TET3: variants seen among roughly 807,000 people sequenced by gnomAD.
The protein encoded by TET3 is tet methylcytosine dioxygenase 3.
In TET3, 19 loss-of-function variants were observed where a neutral mutation model predicts 141.4. The ratio of observed to expected loss-of-function variants is 0.13; its 90% CI spans 0.09 to 0.20. The LOEUF (loss-of-function observed/expected upper bound fraction) is 0.20. TET3 is among the 10% of genes least tolerant of loss of function. The pLI is 1.00. For missense variants in TET3, 1,874 were observed against 2,356.9 expected, an observed-to-expected ratio of 0.80 and a Z score of 4.24; for synonymous variants, 1,043 against 980.9, an observed-to-expected ratio of 1.06 and a Z score of -1.18.
At chr2:74,063,611 T>C (rs368056203) in intron 4 of TET3, among the ~76,000 whole-genome samples, 9 of 152,132 alleles carry the variant, frequency 5.9e-5, no homozygotes, top group African/African-American at 1.4e-4. Context: ...AATAGACTTA[T>C]AGAAGTAGCA....
Position 74,080,485 on chromosome 2 carries a change from T to G in TET3, c.2586-13T>G. On this transcript the variant is annotated splice_polypyrimidine_tract_variant and intron_variant, in intron 5 of 11. Transcript: ENST00000409262. The stretch of plus-strand genomic sequence containing the variant: ...TCTGCTGTGCTAATGGTGGCTTCTG[T>G]CTCCCTCTTCAGGTATGGAGAGAAG... 6.2e-7 allele frequency: 1 copy of G among 1,608,764 alleles called. No homozygotes were observed. The highest frequency in any genetic ancestry group is 8.5e-7 in the Non-Finnish European group (1 of 1,176,888).
chr2:74,076,176 CT>C (rs1444223027), intron 5 of TET3, among the ~76,000 whole-genome samples: 2 of 151,778 alleles, frequency 1.3e-5, no homozygotes, highest in Middle Eastern at 3.4e-3. Flanking sequence ...TTTTTACCCC[CT>C]GATTCTTTAA....
At chr2:74,021,082 C>A (rs1431667487) in intron 3 of TET3, among the ~76,000 whole-genome samples, 1 of 152,238 alleles carries the variant, frequency 6.6e-6, no homozygotes, top group African/African-American at 2.4e-5. Flanking sequence ...GGGAAAAGAT[C>A]TGGAAGTATT....
intron 2 of TET3, among the ~76,000 whole-genome samples, chr2:73,988,161 C>T (rs534801040): frequency 6.6e-6 from 1 of 152,142 alleles, no homozygotes; most frequent in Non-Finnish European, 1.5e-5. Flanking sequence ...TAGTTATCGT[C>T]CTGCTGGCCC....
At chr2:74,124,294 C>A in the TET3 span, among the ~76,000 whole-genome samples, 13 of 151,186 alleles carry the variant, frequency 8.6e-5, no homozygotes, top group Admixed American at 2.6e-4. Context: ...GCCAGCCACC[C>A]CGTCTGGGAG....
intron 3 of TET3, among the ~76,000 whole-genome samples, chr2:74,028,582 G>A (rs1367070416): frequency 1.3e-5 from 2 of 152,120 alleles, no homozygotes; most frequent in Non-Finnish European, 2.9e-5. Flanking sequence ...AATTATCTTA[G>A]TGTCTTCTCA....
At chr2:74,099,782 A>T (rs1409328409) in intron 11 of TET3, among the ~76,000 whole-genome samples, 170 bp downstream of exon 11, 1 of 152,132 alleles carries the variant, frequency 6.6e-6, no homozygotes, top group Non-Finnish European at 1.5e-5. Flanking sequence ...GGCCGTGGGG[A>T]TGCAAGTACA....
intron 6 of TET3, among the ~76,000 whole-genome samples, chr2:74,083,781 T>C (rs1188598593): frequency 6.6e-6 from 1 of 152,168 alleles, no homozygotes; most frequent in African/African-American, 2.4e-5. Flanking sequence ...GTGTTTGCCA[T>C]TTGGGAAACC....
In TET3 at chr2:74,089,927, C is replaced by T; in HGVS notation, c.2919C>T (p.Pro973=). Reference sequence around the variant, plus strand: ...CCTGCGCTTGCCAAGGCAAAGACCCCAACACCTGTGGTGCCTCCTTCTCCT... The same window carrying T: ...CCTGCGCTTGCCAAGGCAAAGACCCTAACACCTGTGGTGCCTCCTTCTCCT... ...DRTCACQGKD[P]NTCGASFSFG... Residue 973 remains proline, a synonymous_variant, in exon 8 of 12, where the codon CCC becomes CCT. Transcript: ENST00000409262. 6.2e-7 allele frequency: 1 copy of T among 1,614,072 alleles called. No individual in the cohort carries two copies. Among genetic ancestry groups the T allele is most frequent in the African/African-American group, 1.3e-5 (1 of 75,064 alleles).
At chr2:74,086,702 G>A (rs527245221) in intron 6 of TET3, among the ~76,000 whole-genome samples, 2 of 149,896 alleles carry the variant, frequency 1.3e-5, no homozygotes, top group African/African-American at 4.9e-5. Flanking sequence ...GAAGTGGGAG[G>A]ATCGCTTAAG....
At chr2:74,073,853 T>C in intron 5 of TET3, 1 of 447,336 alleles carries the variant, frequency 2.2e-6, no homozygotes, top group Non-Finnish European at 4.0e-6. Context: ...GTCCCCCTGC[T>C]TCTCTCTGTC....
rs1321501844 is a variant in TET3 at position 74,026,384 on chromosome 2, T to C, written c.361-19894T>C. Reference sequence around the variant, plus strand: ...CCCCCCTCTCCCCCACCCCAAAACTTTGAGGCCAGTGGCCGGGGATTGTTA... The same window carrying C: ...CCCCCCTCTCCCCCACCCCAAAACTCTGAGGCCAGTGGCCGGGGATTGTTA... On this transcript the variant is annotated intron_variant, in intron 3 of 11. Coordinates refer to ENST00000409262, the MANE Select transcript of TET3 (RefSeq NM_001287491.2). 3.9e-5 allele frequency among the ~76,000 whole-genome samples: 6 copies of C among 152,060 alleles called. No individual in the cohort carries two copies. The East Asian group carries it at 1.2e-3, about 29-fold the overall frequency.
intron 4 of TET3, among the ~76,000 whole-genome samples, chr2:74,071,231 T>C (rs541929556): frequency 6.6e-6 from 1 of 152,292 alleles, no homozygotes; most frequent in East Asian, 1.9e-4. Context: ...CTTGACCTAA[T>C]TACCTCCCCA....
At chr2:74,098,301 A>G in intron 10 of TET3, among the ~76,000 whole-genome samples, 1 of 152,248 alleles carries the variant, frequency 6.6e-6, no homozygotes, top group East Asian at 1.9e-4. Context: ...TGAGATTAAC[A>G]CATTGATACA....
At chr2:73,988,459 C>T (rs745574445) in intron 2 of TET3, among the ~76,000 whole-genome samples, 11 of 152,190 alleles carry the variant, frequency 7.2e-5, no homozygotes, top group Non-Finnish European at 1.6e-4. Context: ...CTGCTTTTGG[C>T]AACAACAGAA....
chr2:74,116,933 G>A, the TET3 span, among the ~76,000 whole-genome samples: 1 of 152,010 alleles, frequency 6.6e-6, no homozygotes, highest in African/African-American at 2.4e-5. Context: ...GACACTAAGG[G>A]GCTGGCAGGG....
At position 74,047,419 on chromosome 2, in the gene TET3, C is replaced by T. The variant is rs370058010; in HGVS notation, c.1502C>T (p.Pro501Leu). 2.1e-5 allele frequency: 34 copies of T among 1,612,914 alleles called. No individual in the cohort carries two copies. The highest frequency in any genetic ancestry group is 1.3e-4 in the African/African-American group (10 of 75,034). ...GAGGCACCCTCTTCCTCCCCGGCCC[C>T]GGCCCCATCCCCTGTACTTCAGAGG... ...KVEAPSSSPA[P>L]APSPVLQREA... The change falls in exon 4 of 12, where the codon CCG becomes CTG. Residue 501 changes from proline (P) to leucine (L), a missense_variant. Physicochemically the swap from Pro to Leu is moderately conservative, Grantham distance 98. This residue lies in a region of TET3 where 484 missense variants were observed against 462.2 expected (regional missense o/e 1.05). Coordinates refer to ENST00000409262, the MANE Select transcript of TET3 (RefSeq NM_001287491.2).
At chr2:74,097,124 AAG>A (rs1214884162) in intron 10 of TET3, among the ~76,000 whole-genome samples, 2 of 47,794 alleles carry the variant, frequency 4.2e-5, no homozygotes, top group East Asian at 5.2e-4. Flanking sequence ...AAAAAAAAAA[AAG>A]AAAAGCAGGT....
At chr2:74,112,388 C>G (rs907326473), downstream of TET3, among the ~76,000 whole-genome samples, 11 of 151,952 alleles carry the variant, frequency 7.2e-5, no homozygotes, top group African/African-American at 2.7e-4. Context: ...CTGTAAGAAA[C>G]TAACTCCTTT....
Sources: gnomAD v4.1 joint callset for allele counts (sites outside exome capture counted in the v4.1 genomes callset) on GRCh38, gnomAD v4.1.1 for gene constraint, gnomAD v4.1.1 regional missense constraint, MANE v1.5 for transcripts, NCBI Gene and HGNC (gene_info 2026-07-23, HGNC 2026-07-21) for gene names.